Variants in SLC25A21 observed in about 807,000 individuals in gnomAD.
The protein encoded by SLC25A21 is mitochondrial 2-oxodicarboxylate carrier.
SLC25A21 carries 47 observed loss-of-function variants against 43.8 expected under a neutral mutation model. The observed-to-expected ratio is 1.07, with a 90% CI of 0.85 to 1.37. The LOEUF is 1.37. Ranked by LOEUF, SLC25A21 falls within the 40% of genes most tolerant of loss-of-function variation. The pLI, the probability that SLC25A21 is intolerant of heterozygous loss-of-function variation, is 0.00. For synonymous variants in SLC25A21, 131 were observed against 121.3 expected (o/e 1.08, Z -0.52); for missense variants, 352 against 350.2 (o/e 1.00, Z -0.04).
rs139746928 is a variant in SLC25A21, at chr14:37,149,637, T to G, written c.70+22644A>C. 5.5e-3 allele frequency among the ~76,000 whole-genome samples: 837 copies of G among 152,196 alleles called. 9 individuals carry two copies. The highest frequency in any genetic ancestry group is 0.02 in the African/African-American group (813 of 41,530). On this transcript the variant is annotated intron_variant, in intron 1 of 9. Transcript: ENST00000331299. Reference sequence around the variant, plus strand: ...TTAAACCGGGAGGCAGAGGTTGCAGTGAGCTGAGACAGCACTACTGAACTC... The same window carrying G: ...TTAAACCGGGAGGCAGAGGTTGCAGGGAGCTGAGACAGCACTACTGAACTC...
chr14:37,019,805 C>G (rs919708952), intron 1 of SLC25A21, among the ~76,000 whole-genome samples: 1 of 151,632 alleles, frequency 6.6e-6, no homozygotes, highest in Admixed American at 6.6e-5. Context: ...TGGTGAAGAA[C>G]TAAGGAGGCT....
intron 1 of SLC25A21, among the ~76,000 whole-genome samples, chr14:37,056,868 A>AT (rs1298924946): frequency 6.6e-6 from 1 of 152,140 alleles, no homozygotes; most frequent in Non-Finnish European, 1.5e-5. Context: ...CATGGTATTG[A>AT]TTTTAACCCT....
rs1294987378 is a variant in SLC25A21 at position 36,679,402 on chromosome 14, TGAAATAGCCCCGTAGTA to T, written c.*1239_*1255del. 4.1e-6 allele frequency: 4 copies of T among 982,984 alleles called. No homozygotes were observed. Among genetic ancestry groups the T allele is most frequent in the Non-Finnish European group, 4.8e-6 (4 of 827,854 alleles). The allele number at this position is 982,984 out of a possible 1,614,324, so 60.9% of individuals were successfully genotyped here. On this transcript the variant is annotated 3_prime_UTR_variant, in exon 10 of 10. Transcript: ENST00000331299. ...ACTTTTTATTTTCAAAATGCTTTAG[TGAAATAGCCCCGTAGTA>T]GAAATAGCCCACGGTAGTAACTTAG... is the stretch of plus-strand genomic sequence containing the variant.
chr14:37,045,923 C>T (rs1961576527), intron 1 of SLC25A21, among the ~76,000 whole-genome samples: 1 of 152,180 alleles, frequency 6.6e-6, no homozygotes, highest in African/African-American at 2.4e-5. Context: ...ACTCTATTAA[C>T]AATGTTTTTT....
intron 1 of SLC25A21, among the ~76,000 whole-genome samples, chr14:36,882,257 C>T (rs1211741756): frequency 6.6e-6 from 1 of 152,152 alleles, no homozygotes; most frequent in Non-Finnish European, 1.5e-5. Context: ...GTGATGTGCA[C>T]CTGTAGTCCC....
intron 1 of SLC25A21, among the ~76,000 whole-genome samples, chr14:37,128,560 G>C (rs962287804): frequency 2.6e-5 from 4 of 151,050 alleles, no homozygotes; most frequent in African/African-American, 9.8e-5. Context: ...GTGTGTGTGT[G>C]TGTGTGTGTG....
intron 1 of SLC25A21, among the ~76,000 whole-genome samples, chr14:37,158,566 A>T (rs960054476): frequency 3.3e-5 from 5 of 152,146 alleles, no homozygotes; most frequent in Non-Finnish European, 5.9e-5. Flanking sequence ...AACTAGGCAT[A>T]TAAGGAACAT....
intron 1 of SLC25A21, among the ~76,000 whole-genome samples, chr14:37,044,548 T>A (rs1471852802): frequency 6.6e-6 from 1 of 152,192 alleles, no homozygotes; most frequent in African/African-American, 2.4e-5. Context: ...AATATCAATA[T>A]TGAATGTACC....
chr14:36,891,607 A>G (rs1891074139), intron 1 of SLC25A21, among the ~76,000 whole-genome samples: 1 of 152,176 alleles, frequency 6.6e-6, no homozygotes, highest in Admixed American at 6.6e-5. Context: ...TCCTGGGAAC[A>G]ATACTGTAGC....
At chr14:37,159,030 A>C (rs1963895678) in intron 1 of SLC25A21, among the ~76,000 whole-genome samples, 1 of 152,114 alleles carries the variant, frequency 6.6e-6, no homozygotes, top group Non-Finnish European at 1.5e-5. Flanking sequence ...ATAATTAAAG[A>C]GGTAAAAGAT....
chr14:36,815,504 C>G (rs898922917), intron 2 of SLC25A21, among the ~76,000 whole-genome samples: 1 of 152,086 alleles, frequency 6.6e-6, no homozygotes, highest in African/African-American at 2.4e-5. Flanking sequence ...CAAGGTTGAT[C>G]ATTCTGGGTA....
intron 1 of SLC25A21, among the ~76,000 whole-genome samples, chr14:37,157,721 A>C (rs1174225040): frequency 1.3e-5 from 2 of 152,202 alleles, no homozygotes; most frequent in East Asian, 3.9e-4. Flanking sequence ...AACTGGCAGA[A>C]GAAAAGAAAT....
intron 2 of SLC25A21, among the ~76,000 whole-genome samples, chr14:36,828,193 C>A (rs1888906616): frequency 8.9e-5 from 1 of 11,234 alleles, no homozygotes; most frequent in East Asian, 0.25. Flanking sequence ...GATCAACTGT[C>A]CACTAAACCT....
intron 7 of SLC25A21, among the ~76,000 whole-genome samples, chr14:36,696,149 G>A (rs569647431): frequency 1.1e-4 from 17 of 152,190 alleles, no homozygotes; most frequent in Admixed American, 8.5e-4. Flanking sequence ...GGCCTTTTCT[G>A]CATCTATTGA....
chr14:37,033,769 G>A (rs1054555253), intron 1 of SLC25A21, among the ~76,000 whole-genome samples: 2 of 152,140 alleles, frequency 1.3e-5, no homozygotes, highest in Non-Finnish European at 2.9e-5. Context: ...AAGAGGGTAC[G>A]TGGATGGTTG....
intron 3 of SLC25A21, among the ~76,000 whole-genome samples, chr14:36,748,568 G>A (rs1001705253): frequency 1.3e-5 from 2 of 152,094 alleles, no homozygotes; most frequent in Non-Finnish European, 2.9e-5. Context: ...GAATAAATAA[G>A]GGTTAGCTAT....
At chr14:36,975,998 C>G (rs1036933782) in intron 1 of SLC25A21, among the ~76,000 whole-genome samples, 2 of 152,202 alleles carry the variant, frequency 1.3e-5, no homozygotes, top group African/African-American at 4.8e-5. Context: ...TAAACCAACA[C>G]CTCAGACATG....
chr14:36,798,195 T>C (rs556059054), intron 3 of SLC25A21, among the ~76,000 whole-genome samples: 10 of 152,180 alleles, frequency 6.6e-5, no homozygotes, highest in Non-Finnish European at 1.5e-4. Context: ...TTAGTGTCTC[T>C]GTAAAATTTT....
chr14:36,810,397 A>G (rs111685303), intron 3 of SLC25A21, among the ~76,000 whole-genome samples: 1 of 152,220 alleles, frequency 6.6e-6, no homozygotes, highest in Non-Finnish European at 1.5e-5. Flanking sequence ...TACAGATCTC[A>G]GTAATGCTGA....
Sources: gnomAD v4.1 joint callset for allele counts (sites outside exome capture counted in the v4.1 genomes callset) on GRCh38, gnomAD v4.1.1 for gene constraint, MANE v1.5 for transcripts, NCBI Gene and HGNC (gene_info 2026-07-23, HGNC 2026-07-21) for gene names.